Variants in AXDND1 observed in about 807,000 individuals in gnomAD.
AXDND1 encodes axonemal dynein light chain domain containing 1, also known as axonemal dynein light chain domain-containing protein 1.
In AXDND1, 110 loss-of-function variants were observed where a neutral mutation model predicts 137.5. The ratio of observed to expected loss-of-function variants is 0.80; its 90% CI spans 0.69 to 0.94. AXDND1 has a LOEUF of 0.94. Among genes scored for constraint, AXDND1 ranks in the 40% least tolerant of loss-of-function variants. The probability of loss-of-function intolerance (pLI) is 0.00; values close to 1 mark genes in which losing one functional copy is unlikely to be tolerated. For synonymous variants in AXDND1, 414 were observed against 399.7 expected, an observed-to-expected ratio of 1.04 and a Z score of -0.43; for missense variants, 1,191 against 1,169.8, an observed-to-expected ratio of 1.02 and a Z score of -0.26.
chr1:179,375,073 A>G (rs1322992824), intron 4 of AXDND1, among the ~76,000 whole-genome samples: 1 of 151,810 alleles, frequency 6.6e-6, no homozygotes, highest in Non-Finnish European at 1.5e-5. Flanking sequence ...AGTGATGATT[A>G]CTAAATCAAA....
At chr1:179,427,590 A>G (rs1241586019) in intron 12 of AXDND1, among the ~76,000 whole-genome samples, 1 of 152,224 alleles carries the variant, frequency 6.6e-6, no homozygotes, top group East Asian at 1.9e-4. Context: ...GTAGGGATAA[A>G]TGTATAGATT....
chr1:179,436,354 G>A (rs1421497597), intron 15 of AXDND1, among the ~76,000 whole-genome samples: 1 of 152,058 alleles, frequency 6.6e-6, no homozygotes, highest in Non-Finnish European at 1.5e-5. Flanking sequence ...TATACCCAAA[G>A]GAAGATAAAT....
chr1:179,446,037 G>A (rs1232111352), intron 16 of AXDND1, among the ~76,000 whole-genome samples: 1 of 152,066 alleles, frequency 6.6e-6, no homozygotes, highest in African/African-American at 2.4e-5. Flanking sequence ...CCATACTAGT[G>A]GGTGTAAAAT....
At chr1:179,466,087 C>T (rs968706107) in intron 16 of AXDND1, among the ~76,000 whole-genome samples, 1 of 152,090 alleles carries the variant, frequency 6.6e-6, no homozygotes, top group Admixed American at 6.5e-5. Context: ...GGCAATGCCC[C>T]GCCCTGCTTC....
At chr1:179,528,475 A>G (rs772279196) in intron 23 of AXDND1, 44 bp downstream of exon 23, 51 of 1,361,614 alleles carry the variant, frequency 3.7e-5, no homozygotes, top group East Asian at 6.9e-5. Context: ...ACTATTTAAC[A>G]TTGCATAAAA....
At chr1:179,468,833 C>A in intron 17 of AXDND1, 192 bp downstream of exon 17, 1 of 395,450 alleles carries the variant, frequency 2.5e-6, no homozygotes, top group Non-Finnish European at 4.4e-6. Flanking sequence ...TGCACTTTAG[C>A]TATCATTCTG....
intron 16 of AXDND1, among the ~76,000 whole-genome samples, chr1:179,460,758 T>C (rs1013112536): frequency 2.6e-5 from 4 of 152,226 alleles, no homozygotes; most frequent in Non-Finnish European, 4.4e-5. Context: ...TGGTGTGAGA[T>C]GGTATCTCAT....
intron 22 of AXDND1, among the ~76,000 whole-genome samples, chr1:179,525,808 T>TATATATAC (rs149749029): frequency 0.069 from 10,378 of 151,372 alleles, 437 homozygotes; most frequent in East Asian, 0.094. Context: ...TATATATATA[T>TATATATAC]ACACAGACAT....
chr1:179,490,096 A>G (rs1239836925), intron 18 of AXDND1, among the ~76,000 whole-genome samples: 1 of 152,070 alleles, frequency 6.6e-6, no homozygotes, highest in Admixed American at 6.5e-5. Context: ...TTTACTAAGA[A>G]CTTACTCCCT....
At chr1:179,494,165 TG>T (rs1667214327) in intron 20 of AXDND1, among the ~76,000 whole-genome samples, 4 of 152,162 alleles carry the variant, frequency 2.6e-5, no homozygotes, top group Admixed American at 2.6e-4. Flanking sequence ...TTGACCAGGC[TG>T]GTCTCAAACT....
At chr1:179,526,031 C>A (rs1442037114) in intron 22 of AXDND1, among the ~76,000 whole-genome samples, 1 of 151,992 alleles carries the variant, frequency 6.6e-6, no homozygotes, top group African/African-American at 2.4e-5. Flanking sequence ...TACTTTTATT[C>A]CTATTAACTA....
chr1:179,395,025 A>G, intron 10 of AXDND1, 73 bp from the exon 11 acceptor site: 1 of 1,309,598 alleles, frequency 7.6e-7, no homozygotes, highest in South Asian at 1.3e-5. Context: ...CCTGAATATA[A>G]ATCTGATTTT....
chr1:179,443,638 A>G (rs926645147), intron 15 of AXDND1, among the ~76,000 whole-genome samples: 13 of 152,176 alleles, frequency 8.5e-5, no homozygotes, highest in Admixed American at 7.9e-4. Flanking sequence ...ATCTCATATA[A>G]GTGGAATCAT....
chr1:179,465,197 G>A (rs555090579), intron 16 of AXDND1, among the ~76,000 whole-genome samples: 2 of 152,274 alleles, frequency 1.3e-5, no homozygotes, highest in East Asian at 1.9e-4. Context: ...GAGAAGAGAT[G>A]CTCTGATTTT....
intron 9 of AXDND1, among the ~76,000 whole-genome samples, chr1:179,385,720 C>T (rs1649090843): frequency 6.6e-6 from 1 of 152,106 alleles, no homozygotes. Flanking sequence ...GGGAGGGAAC[C>T]TGTGGGGAGG....
At chr1:179,550,322 T>G (rs1374945057) in intron 25 of AXDND1, among the ~76,000 whole-genome samples, 1 of 152,122 alleles carries the variant, frequency 6.6e-6, no homozygotes, top group Non-Finnish European at 1.5e-5. Context: ...TTAAGAAATA[T>G]CTGTATAAGA....
intron 17 of AXDND1, among the ~76,000 whole-genome samples, chr1:179,479,975 A>G (rs1665155526): frequency 6.6e-6 from 1 of 152,156 alleles, no homozygotes; most frequent in South Asian, 2.1e-4. Flanking sequence ...CCTGGATTCC[A>G]TTGTCCATAT....
intron 8 of AXDND1, 116 bp from the exon 9 acceptor site, chr1:179,385,122 G>T: frequency 1.1e-6 from 1 of 877,622 alleles, no homozygotes; most frequent in Admixed American, 2.8e-5. Flanking sequence ...AAATGTAAGT[G>T]AAATAAATTA....
chr1:179,420,911 A>G lies in AXDND1; in HGVS notation c.1231-8607A>G, dbSNP rs149898049. ...ACTGGGATTACAGGCGTGAGCTACC[A>G]TGTCCAGCCCTAGGTTTTCCAATTT... On this transcript the variant is annotated intron_variant, in intron 12 of 25. Transcript: ENST00000367618. 1.1e-3 allele frequency among the ~76,000 whole-genome samples: 162 copies of G among 152,184 alleles called. 2 individuals carry two copies. The highest frequency in any genetic ancestry group is 3.6e-3 in the African/African-American group (151 of 41,522).
Sources: allele counts gnomAD v4.1 joint callset (sites outside exome capture counted in the v4.1 genomes callset), GRCh38; gene constraint gnomAD v4.1.1; transcripts MANE v1.5; gene names NCBI Gene and HGNC (gene_info 2026-07-23, HGNC 2026-07-21).